The following NEBL variants were observed in gnomAD, a reference collection of about 807,000 sequenced individuals.
The protein encoded by NEBL is LIM and SH3 protein 2.
Under a neutral mutation model 140.2 loss-of-function variants are expected in NEBL, and 122 were observed. The ratio of observed to expected loss-of-function variants is 0.87; its 90% CI spans 0.75 to 1.01. The LOEUF is 1.01. Among genes scored for constraint, NEBL ranks in the 50% least tolerant of loss-of-function variants. The pLI, the probability that NEBL is intolerant of heterozygous loss-of-function variation, is 0.00. For synonymous variants in NEBL, 436 were observed against 398.9 expected (o/e 1.09, Z -1.11); for missense variants, 1,365 against 1,231.3 (o/e 1.11, Z -1.62).
intron 4 of NEBL, among the ~76,000 whole-genome samples, chr10:20,904,253 A>C (rs1588985741): frequency 6.6e-6 from 1 of 152,206 alleles, no homozygotes; most frequent in African/African-American, 2.4e-5. Context: ...TCCATGAGAC[A>C]GACCCTTTTT....
intron 12 of NEBL, among the ~76,000 whole-genome samples, chr10:20,844,727 A>G (rs967870109): frequency 1.3e-5 from 2 of 152,032 alleles, no homozygotes. Context: ...AACACAAACT[A>G]CTTATAAGTA....
intron 1 of NEBL, among the ~76,000 whole-genome samples, chr10:21,283,064 A>C (rs1588598386): frequency 6.6e-6 from 1 of 150,680 alleles, no homozygotes; most frequent in Admixed American, 6.7e-5. Context: ...TGAACCCAGG[A>C]GGCAGAGGTT....
At chr10:20,997,885 C>T (rs1009248594) in intron 3 of NEBL, among the ~76,000 whole-genome samples, 1 of 152,054 alleles carries the variant, frequency 6.6e-6, no homozygotes, top group African/African-American at 2.4e-5. Flanking sequence ...AAACAGAGTG[C>T]TGCTAAAATA....
intron 4 of NEBL, among the ~76,000 whole-genome samples, chr10:20,929,751 G>T (rs1178867624): frequency 6.6e-6 from 1 of 151,888 alleles, no homozygotes; most frequent in Non-Finnish European, 1.5e-5. Context: ...CTTGGAAAGT[G>T]GGGAGGGTGG....
intron 3 of NEBL, among the ~76,000 whole-genome samples, chr10:21,229,083 T>TC (rs34907974): frequency 1.3e-5 from 2 of 152,154 alleles, no homozygotes; most frequent in South Asian, 4.1e-4. Context: ...ATTTGTTACC[T>TC]CCCTATACTC....
chr10:21,173,890 T>A lies in NEBL; in HGVS notation c.-57A>T. ...GGCTGCTGGCTCCCAGGAGCCGCTG[T>A]GACATCCCCCGGCGAGCCCCGCACC... On this transcript the variant is annotated 5_prime_UTR_variant, in exon 1 of 7. Transcript: ENST00000417816. The surrounding 1 kb of genome is among the most constrained non-coding windows in gnomAD (Gnocchi z 5.7). 3.1e-6 allele frequency: 5 copies of A among 1,595,188 alleles called. No individual in the cohort carries two copies. Among genetic ancestry groups the A allele is most frequent in the Non-Finnish European group, 4.3e-6 (5 of 1,175,104 alleles).
chr10:21,184,357 T>C (rs577707836), intron 3 of NEBL, among the ~76,000 whole-genome samples: 1 of 152,326 alleles, frequency 6.6e-6, no homozygotes, highest in East Asian at 1.9e-4. Flanking sequence ...GAGATTTCAC[T>C]GAAAGATCTG....
chr10:21,005,750 T>C (rs755970903), intron 3 of NEBL, among the ~76,000 whole-genome samples: 1 of 151,334 alleles, frequency 6.6e-6, no homozygotes, highest in Non-Finnish European at 1.5e-5. Context: ...TAATAATAAA[T>C]TAAATAAAAT....
intron 2 of NEBL, among the ~76,000 whole-genome samples, chr10:21,146,771 G>T (rs904292966): frequency 7.2e-5 from 11 of 152,160 alleles, no homozygotes; most frequent in Non-Finnish European, 1.3e-4. Flanking sequence ...GCTATGAGCA[G>T]GTCCCAAAGA....
chr10:20,897,987 G>A (rs572943494), upstream of NEBL, among the ~76,000 whole-genome samples: 21 of 151,834 alleles, frequency 1.4e-4, no homozygotes, highest in African/African-American at 2.9e-4. Context: ...TGGAAACATC[G>A]TTTCAAAAAT....
chr10:21,248,410 A>G (rs1842545631), intron 2 of NEBL, among the ~76,000 whole-genome samples: 1 of 152,136 alleles, frequency 6.6e-6, no homozygotes, highest in Non-Finnish European at 1.5e-5. Flanking sequence ...AATAAGTGGA[A>G]TCATGCAAAA....
At chr10:20,881,209 G>T (rs1276857759) in intron 4 of NEBL, among the ~76,000 whole-genome samples, 1 of 152,112 alleles carries the variant, frequency 6.6e-6, no homozygotes, top group Admixed American at 6.6e-5. Context: ...AGAGCTTTCT[G>T]GGATATAGAT....
At chr10:20,902,638 T>C (rs1588983266) in intron 4 of NEBL, among the ~76,000 whole-genome samples, 2 of 152,260 alleles carry the variant, frequency 1.3e-5, no homozygotes, top group African/African-American at 4.8e-5. Context: ...ATTCTCAATG[T>C]CTACATTAAC....
At position 21,006,697 on chromosome 10, in the gene NEBL, G is replaced by C. The variant is rs1409267441; in HGVS notation, c.249+13420C>G. On this transcript the variant is annotated intron_variant, in intron 3 of 6. Transcript: ENST00000417816. ...TCACCAAATTTCCACAGTGGTCCGA[G>C]ACCCGAAAAGCATTAGGAGCCACCC... Among the ~76,000 whole-genome samples the C allele has an allele frequency of 2.0e-5, 3 of 152,304 alleles. No individual in the cohort carries two copies. In the East Asian group the frequency reaches 5.8e-4, roughly 29 times the overall value.
At chr10:20,913,266 C>T (rs1438895040) in intron 4 of NEBL, among the ~76,000 whole-genome samples, 1 of 152,146 alleles carries the variant, frequency 6.6e-6, no homozygotes, top group African/African-American at 2.4e-5. Flanking sequence ...TTTTGAAAGG[C>T]ACCTGCTGAA....
intron 4 of NEBL, among the ~76,000 whole-genome samples, chr10:20,954,865 G>C (rs931629695): frequency 3.8e-4 from 58 of 152,176 alleles, no homozygotes; most frequent in African/African-American, 1.3e-3. Context: ...GGTATGAAGG[G>C]ACTTGCAGGC....
intron 26 of NEBL, among the ~76,000 whole-genome samples, chr10:20,791,793 C>T (rs1454965647): frequency 6.6e-6 from 1 of 152,094 alleles, no homozygotes; most frequent in Non-Finnish European, 1.5e-5. Context: ...AATGTACCCA[C>T]AAGAAACGTT....
In NEBL at chr10:20,784,933, C is replaced by T. The variant is rs928024221; in HGVS notation, c.*814G>A. 6 of 152,588 alleles carry T rather than the reference C, an allele frequency of 3.9e-5. No individual in the cohort carries two copies. Among genetic ancestry groups the T allele is most frequent in the African/African-American group, 7.2e-5 (3 of 41,426 alleles). 9.5% of individuals were successfully genotyped at this position (152,588 alleles called of 1,614,324 possible). Reference sequence around the variant, plus strand: ...CCTTTTTGCTTCAATAATAGGAACGCGCAGTGCAGCTGCCTATGTTACAGA... The same window carrying T: ...CCTTTTTGCTTCAATAATAGGAACGTGCAGTGCAGCTGCCTATGTTACAGA... On this transcript the variant is annotated 3_prime_UTR_variant, in exon 28 of 28. Coordinates refer to ENST00000377122, the MANE Select transcript of NEBL (RefSeq NM_006393.3).
intron 9 of NEBL, among the ~76,000 whole-genome samples, chr10:20,856,843 T>A (rs1337189254): frequency 2.6e-5 from 4 of 152,286 alleles, no homozygotes; most frequent in Non-Finnish European, 5.9e-5. Flanking sequence ...TTCTATGTAT[T>A]TATTTATTTT....
Sources: allele counts gnomAD v4.1 joint callset (sites outside exome capture counted in the v4.1 genomes callset), GRCh38; gene constraint gnomAD v4.1.1; non-coding constraint Gnocchi (gnomAD v3.1); transcripts MANE v1.5; gene names NCBI Gene and HGNC (gene_info 2026-07-23, HGNC 2026-07-21).